Variants in PDE5A observed in about 807,000 individuals in gnomAD.
The protein encoded by PDE5A is cGMP-specific 3',5'-cyclic phosphodiesterase.
In PDE5A, 67 loss-of-function variants were observed where a neutral mutation model predicts 110.2. The observed-to-expected ratio is 0.61, with a 90% CI of 0.50 to 0.75. The LOEUF (loss-of-function observed/expected upper bound fraction) is 0.75. Ranked by LOEUF, PDE5A falls within the 30% of genes least tolerant of loss-of-function variation. PDE5A has a pLI of 0.00. For missense variants in PDE5A, 862 were observed against 1,045.1 expected (o/e 0.82, Z 2.42); for synonymous variants, 328 against 351.2 (o/e 0.93, Z 0.74).
chr4:119,502,514 A>T, intron 19 of PDE5A, 67 bp downstream of exon 19: 1 of 897,258 alleles, frequency 1.1e-6, no homozygotes, highest in South Asian at 1.5e-5. Context: ...ATAGAGCCAT[A>T]AAAAGGAGTC....
intron 3 of PDE5A, among the ~76,000 whole-genome samples, chr4:119,568,110 C>G (rs1311250864): frequency 1.3e-5 from 2 of 151,716 alleles, no homozygotes; most frequent in African/African-American, 4.8e-5. Flanking sequence ...ATGTAGTTTT[C>G]TAGTCTTCTT....
At chr4:119,589,111 A>C (rs1728873180) in intron 3 of PDE5A, among the ~76,000 whole-genome samples, 1 of 152,188 alleles carries the variant, frequency 6.6e-6, no homozygotes, top group African/African-American at 2.4e-5. Context: ...ATCAGTAAGA[A>C]ATTTTCAGAG....
chr4:119,507,365 T>C (rs1211601129), intron 16 of PDE5A, among the ~76,000 whole-genome samples: 1 of 151,930 alleles, frequency 6.6e-6, no homozygotes, highest in African/African-American at 2.4e-5. Flanking sequence ...TAGATTTGTA[T>C]ATAGTTTCAG....
intron 20 of PDE5A, chr4:119,500,210 A>C (rs1232990076): frequency 6.6e-6 from 1 of 152,026 alleles, no homozygotes; most frequent in Non-Finnish European, 1.5e-5. Context: ...AAAGGAGTAA[A>C]CAAGTAGAAT....
chr4:119,611,991 C>T (rs1388278804), intron 1 of PDE5A, among the ~76,000 whole-genome samples: 1 of 152,164 alleles, frequency 6.6e-6, no homozygotes, highest in African/African-American at 2.4e-5. Context: ...ATCTATACTC[C>T]GCTGATTTTT....
intron 3 of PDE5A, among the ~76,000 whole-genome samples, chr4:119,592,150 C>CA (rs70944895): frequency 0.11 from 1,715 of 15,518 alleles, 341 homozygotes; most frequent in African/African-American, 0.27. Flanking sequence ...GACTCTGTCT[C>CA]AAAAAAAAAA....
intron 1 of PDE5A, among the ~76,000 whole-genome samples, chr4:119,623,575 C>G (rs528627069): frequency 4.6e-5 from 7 of 152,312 alleles, no homozygotes; most frequent in African/African-American, 1.4e-4. Flanking sequence ...AAGCTACAAG[C>G]TTTACCTATA....
chr4:119,555,336 T>G (rs1727498816), intron 7 of PDE5A, among the ~76,000 whole-genome samples: 1 of 152,218 alleles, frequency 6.6e-6, no homozygotes. Flanking sequence ...TGTGAAGGCA[T>G]GCCAGTTACC....
chr4:119,518,977 T>C, intron 14 of PDE5A, 68 bp downstream of exon 14: 1 of 1,125,278 alleles, frequency 8.9e-7, no homozygotes, highest in Non-Finnish European at 1.3e-6. Flanking sequence ...TGCTGTGGCT[T>C]TAACTTAAAA....
At chr4:119,583,718 G>A (rs1728665805) in intron 3 of PDE5A, among the ~76,000 whole-genome samples, 1 of 152,218 alleles carries the variant, frequency 6.6e-6, no homozygotes, top group Non-Finnish European at 1.5e-5. Context: ...GGCCAAAGGA[G>A]AAGGAGAGAG....
Position 119,561,168 on chromosome 4 carries a change from A to G in PDE5A, c.1132-805T>C, listed in dbSNP as rs1174416276. Among the ~76,000 whole-genome samples, 5 of 152,266 alleles carry G rather than the reference A, an allele frequency of 3.3e-5. No individual in the cohort carries two copies. In the East Asian group the frequency reaches 9.6e-4, roughly 29 times the overall value. ...AAAAAAATTTTTTAAATCACATTAAAAAGCAGAACAGCACATTATGCCCAT... is the reference window on the plus strand; with the variant it reads ...AAAAAAATTTTTTAAATCACATTAAGAAGCAGAACAGCACATTATGCCCAT... On this transcript the variant is annotated intron_variant, in intron 6 of 20. Transcript: ENST00000354960.
intron 11 of PDE5A, among the ~76,000 whole-genome samples, chr4:119,531,073 G>C (rs1726516556): frequency 6.6e-6 from 1 of 151,994 alleles, no homozygotes; most frequent in Non-Finnish European, 1.5e-5. Context: ...TGACCAAAAA[G>C]TTTTCCAATT....
chr4:119,522,439 AG>A (rs1726160838), intron 12 of PDE5A, among the ~76,000 whole-genome samples: 1 of 152,086 alleles, frequency 6.6e-6, no homozygotes, highest in Admixed American at 6.6e-5. Context: ...TGATATGTTT[AG>A]AAAATATGTT....
At chr4:119,562,449 T>C (rs999855156) in intron 6 of PDE5A, among the ~76,000 whole-genome samples, 1 of 152,108 alleles carries the variant, frequency 6.6e-6, no homozygotes, top group African/African-American at 2.4e-5. Flanking sequence ...ATGAGGAGTC[T>C]GGTCTGCCTG....
intron 3 of PDE5A, among the ~76,000 whole-genome samples, chr4:119,577,881 A>G (rs1265168944): frequency 6.6e-6 from 1 of 152,192 alleles, no homozygotes; most frequent in Non-Finnish European, 1.5e-5. Context: ...CAGTTAGGAA[A>G]AGAGGAAGTC....
At chr4:119,557,523 A>C (rs951437910) in intron 7 of PDE5A, among the ~76,000 whole-genome samples, 5 of 152,144 alleles carry the variant, frequency 3.3e-5, no homozygotes, top group Admixed American at 2.6e-4. Flanking sequence ...TGAAAAGATA[A>C]ATTTCTGTGC....
chr4:119,501,337 G>T, intron 19 of PDE5A, 84 bp from the exon 20 acceptor site: 2 of 815,342 alleles, frequency 2.5e-6, no homozygotes, highest in Non-Finnish European at 4.1e-6. Flanking sequence ...TTGAGATGGA[G>T]TCTCACTCTG....
At chr4:119,553,858 T>C (rs1727449587) in intron 7 of PDE5A, 112 bp from the exon 8 acceptor site, 1 of 612,270 alleles carries the variant, frequency 1.6e-6, no homozygotes, top group African/African-American at 1.9e-5. Context: ...ATAAGGCATA[T>C]ATACTTATTT....
At chr4:119,577,663 A>C (rs1181733347) in intron 3 of PDE5A, among the ~76,000 whole-genome samples, 2 of 152,188 alleles carry the variant, frequency 1.3e-5, no homozygotes, top group African/African-American at 2.4e-5. Context: ...CTCTCAATAA[A>C]TTAGGTATTG....
Sources: gnomAD v4.1 joint callset for allele counts (sites outside exome capture counted in the v4.1 genomes callset) on GRCh38, gnomAD v4.1.1 for gene constraint, MANE v1.5 for transcripts, NCBI Gene and HGNC (gene_info 2026-07-23, HGNC 2026-07-21) for gene names.